The following NRXN3 variants were observed in gnomAD, a reference collection of about 807,000 sequenced individuals.
NRXN3 encodes the protein neurexin III.
Under a neutral mutation model 137.6 loss-of-function variants are expected in NRXN3, and 32 were observed. That is an observed-to-expected ratio of 0.23 (90% confidence interval 0.18 to 0.31). The LOEUF (loss-of-function observed/expected upper bound fraction) is 0.31. Among genes scored for constraint, NRXN3 ranks in the 10% least tolerant of loss-of-function variants. The probability of loss-of-function intolerance (pLI) is 1.00; values close to 1 mark genes in which losing one functional copy is unlikely to be tolerated. For synonymous variants in NRXN3, 798 were observed against 784.5 expected (o/e 1.02, Z -0.29); for missense variants, 1,574 against 2,062.5 (o/e 0.76, Z 4.59).
At chr14:78,280,995 A>G (rs557397974) in intron 3 of NRXN3, among the ~76,000 whole-genome samples, 2 of 152,326 alleles carry the variant, frequency 1.3e-5, no homozygotes, top group South Asian at 4.1e-4. Flanking sequence ...GTTGAGTGGC[A>G]GGGCCAAGAG....
At position 79,015,981 on chromosome 14, in the gene NRXN3, G is replaced by A. The variant is rs539722594; in HGVS notation, c.3262+27840G>A. Reference sequence around the variant, plus strand: ...GCACTCTAAAGTGCCTTCCCAGTGTGTAGGAACAGGACTGAAAGGGCCGTT... The same window carrying A: ...GCACTCTAAAGTGCCTTCCCAGTGTATAGGAACAGGACTGAAAGGGCCGTT... On this transcript the variant is annotated intron_variant, in intron 15 of 20. Transcript: ENST00000335750. Among the ~76,000 whole-genome samples, 9 of 152,254 alleles carry A rather than the reference G, an allele frequency of 5.9e-5. No homozygotes were observed. The East Asian group carries it at 1.7e-3, about 29-fold the overall frequency.
intron 15 of NRXN3, among the ~76,000 whole-genome samples, chr14:79,273,612 T>C (rs1352248997): frequency 6.6e-6 from 1 of 152,178 alleles, no homozygotes; most frequent in Non-Finnish European, 1.5e-5. Flanking sequence ...CCAGCCTGGG[T>C]GACAGAGTGA....
chr14:78,468,706 T>G (rs1011270967), intron 4 of NRXN3, among the ~76,000 whole-genome samples: 3 of 152,210 alleles, frequency 2.0e-5, no homozygotes, highest in Admixed American at 6.5e-5. Flanking sequence ...AGAATATGGT[T>G]ATACGTATGT....
Position 79,707,782 on chromosome 14 carries a change from G to GCA in NRXN3, c.4014+9856_4014+9857dup, listed in dbSNP as rs368522875. 4.8e-3 allele frequency among the ~76,000 whole-genome samples: 724 copies of GCA among 151,950 alleles called. 7 individuals carry two copies. Among genetic ancestry groups the GCA allele is most frequent in the Non-Finnish European group, 5.3e-3 (363 of 67,972 alleles). ...AACATTATCTAGCATAGTGTCTTGGGCACACACACACAGGGACAGTTAAAT... is the reference window on the plus strand; with the variant it reads ...AACATTATCTAGCATAGTGTCTTGGGCACACACACACACAGGGACAGTTAAAT... On this transcript the variant is annotated intron_variant, in intron 19 of 20. Coordinates refer to ENST00000335750, the MANE Select transcript of NRXN3 (RefSeq NM_001330195.2).
At chr14:78,423,493 C>T (rs892262968) in intron 4 of NRXN3, among the ~76,000 whole-genome samples, 24 of 152,150 alleles carry the variant, frequency 1.6e-4, no homozygotes, top group Non-Finnish European at 2.6e-4. Flanking sequence ...TTTGGAATGA[C>T]GGCGCCTCAT....
At chr14:78,678,801 A>G (rs1188122436) in intron 6 of NRXN3, among the ~76,000 whole-genome samples, 2 of 152,278 alleles carry the variant, frequency 1.3e-5, no homozygotes, top group African/African-American at 4.8e-5. Flanking sequence ...TATATTGCAC[A>G]TTACCTCCCT....
intron 4 of NRXN3, among the ~76,000 whole-genome samples, chr14:78,471,347 A>C (rs1460553624): frequency 6.8e-6 from 1 of 147,964 alleles, no homozygotes; most frequent in African/African-American, 2.5e-5. Flanking sequence ...CAAGAAATTC[A>C]CCTCTGGCTC....
At chr14:78,496,349 A>G (rs1041902699) in intron 4 of NRXN3, among the ~76,000 whole-genome samples, 1 of 152,100 alleles carries the variant, frequency 6.6e-6, no homozygotes, top group Non-Finnish European at 1.5e-5. Flanking sequence ...GTTTTATTTG[A>G]GTTTTCTTCC....
At chr14:78,253,240 T>G (rs750371671) in intron 2 of NRXN3, among the ~76,000 whole-genome samples, 1 of 152,230 alleles carries the variant, frequency 6.6e-6, no homozygotes. Flanking sequence ...GAGATTCTGG[T>G]GTTGCAGGAG....
intron 4 of NRXN3, among the ~76,000 whole-genome samples, chr14:78,534,243 G>A (rs2096507709): frequency 6.6e-6 from 1 of 152,168 alleles, no homozygotes; most frequent in Non-Finnish European, 1.5e-5. Context: ...CTACTGTGGA[G>A]ACTTTTAAGC....
intron 15 of NRXN3, among the ~76,000 whole-genome samples, chr14:79,260,022 T>G (rs57625894): frequency 0.28 from 43,125 of 151,988 alleles, 6,520 homozygotes; most frequent in East Asian, 0.39. Context: ...AAAGTAGAGC[T>G]GATGAATTTG....
intron 15 of NRXN3, among the ~76,000 whole-genome samples, chr14:79,046,675 G>A (rs2099633564): frequency 6.6e-6 from 1 of 152,104 alleles, no homozygotes; most frequent in African/African-American, 2.4e-5. Context: ...CTATGACCTA[G>A]CTCAAGCTAC....
intron 4 of NRXN3, among the ~76,000 whole-genome samples, chr14:78,476,736 G>A (rs540808913): frequency 6.6e-6 from 1 of 152,050 alleles, no homozygotes; most frequent in East Asian, 1.9e-4. Flanking sequence ...AAAATGCAGG[G>A]CAAGTGTTAT....
intron 15 of NRXN3, among the ~76,000 whole-genome samples, chr14:79,026,879 A>C (rs1269655036): frequency 6.6e-6 from 1 of 150,634 alleles, no homozygotes; most frequent in Non-Finnish European, 1.5e-5. Context: ...AGATCTGCAA[A>C]AGAGGCACAT....
At chr14:79,359,565 T>C (rs1041126018) in intron 15 of NRXN3, among the ~76,000 whole-genome samples, 1 of 121,404 alleles carries the variant, frequency 8.2e-6, no homozygotes, top group Non-Finnish European at 1.6e-5. Flanking sequence ...TCCGTAACAT[T>C]TAGTCTTTTT....
chr14:79,711,072 A>T (rs2098802199), intron 19 of NRXN3, among the ~76,000 whole-genome samples: 1 of 152,244 alleles, frequency 6.6e-6, no homozygotes, highest in South Asian at 2.1e-4. Flanking sequence ...AAAAGACCAA[A>T]TTTCAAATGT....
chr14:79,431,150 A>C (rs528190484), intron 15 of NRXN3, among the ~76,000 whole-genome samples: 1 of 152,278 alleles, frequency 6.6e-6, no homozygotes, highest in Non-Finnish European at 1.5e-5. Context: ...CATTAAAAAA[A>C]ATTCTTCGTA....
intron 15 of NRXN3, among the ~76,000 whole-genome samples, chr14:79,221,584 C>T (rs759926550): frequency 1.3e-5 from 2 of 152,100 alleles, no homozygotes; most frequent in South Asian, 2.1e-4. Flanking sequence ...CCTTCACCTA[C>T]TTTGTGATGG....
At chr14:78,526,935 A>G (rs1350536578) in intron 4 of NRXN3, among the ~76,000 whole-genome samples, 1 of 152,220 alleles carries the variant, frequency 6.6e-6, no homozygotes, top group East Asian at 1.9e-4. Flanking sequence ...AGTGAGGGCC[A>G]AATGGAAGAC....
Sources: gnomAD v4.1 joint callset for allele counts (sites outside exome capture counted in the v4.1 genomes callset) on GRCh38, gnomAD v4.1.1 for gene constraint, MANE v1.5 for transcripts, NCBI Gene and HGNC (gene_info 2026-07-23, HGNC 2026-07-21) for gene names.